APBA2: variants seen among roughly 807,000 people sequenced by gnomAD.
APBA2 encodes amyloid-beta A4 precursor protein-binding family A member 2.
Under a neutral mutation model 75.0 loss-of-function variants are expected in APBA2, and 30 were observed. The observed-to-expected ratio is 0.40, with a 90% CI of 0.30 to 0.54. APBA2 has a LOEUF of 0.54. Among genes scored for constraint, APBA2 ranks in the 20% least tolerant of loss-of-function variants. The probability of loss-of-function intolerance (pLI) is 0.49; values close to 1 mark genes in which losing one functional copy is unlikely to be tolerated. For missense variants in APBA2, 801 were observed against 1,016.1 expected, an observed-to-expected ratio of 0.79 and a Z score of 2.88; for synonymous variants, 444 against 409.6, an observed-to-expected ratio of 1.08 and a Z score of -1.01.
At chr15:29,004,648 T>A (rs933168462) in intron 3 of APBA2, among the ~76,000 whole-genome samples, 6 of 152,126 alleles carry the variant, frequency 3.9e-5, no homozygotes, top group African/African-American at 1.4e-4. Flanking sequence ...CGAACTCCAG[T>A]GTGCGCCGGA....
chr15:29,096,940 C>T (rs1435938993), intron 8 of APBA2, among the ~76,000 whole-genome samples: 1 of 152,220 alleles, frequency 6.6e-6, no homozygotes, highest in Admixed American at 6.5e-5. Flanking sequence ...TAGTTTGGGG[C>T]AGACTCTGAA....
chr15:28,988,778 C>A (rs534902087), intron 2 of APBA2, among the ~76,000 whole-genome samples: 1 of 152,150 alleles, frequency 6.6e-6, no homozygotes, highest in Non-Finnish European at 1.5e-5. Context: ...TCTCTGTGAA[C>A]GTGAGCTGGA....
chr15:28,993,962 AT>A (rs2152788914), intron 2 of APBA2, among the ~76,000 whole-genome samples: 1 of 152,304 alleles, frequency 6.6e-6, no homozygotes, highest in African/African-American at 2.4e-5. Flanking sequence ...TTTCTCACTG[AT>A]CCACTTGGGG....
chr15:28,901,769 G>A (rs1008543091), intron 1 of APBA2, among the ~76,000 whole-genome samples: 10 of 152,196 alleles, frequency 6.6e-5, no homozygotes, highest in African/African-American at 2.4e-4. Flanking sequence ...GTGGACTGCT[G>A]CCTGGCCACC....
At chr15:28,916,368 A>G (rs1490317410) in intron 1 of APBA2, among the ~76,000 whole-genome samples, 4 of 152,230 alleles carry the variant, frequency 2.6e-5, no homozygotes, top group Non-Finnish European at 5.9e-5. Context: ...CTCCCCAGCT[A>G]GAAGAGGAGA....
intron 6 of APBA2, among the ~76,000 whole-genome samples, chr15:29,081,145 G>GT (rs2043067741): frequency 6.6e-6 from 1 of 152,212 alleles, no homozygotes; most frequent in South Asian, 2.1e-4. Context: ...GTTTCATACA[G>GT]TGGGCACATG....
At chr15:29,066,617 T>C (rs1202158596) in intron 4 of APBA2, among the ~76,000 whole-genome samples, 1 of 152,054 alleles carries the variant, frequency 6.6e-6, no homozygotes, top group Admixed American at 6.6e-5. Flanking sequence ...GGAAGCATTC[T>C]GGAGGTCATC....
At chr15:29,044,783 AG>A (rs1482370791) in intron 3 of APBA2, among the ~76,000 whole-genome samples, 2 of 152,222 alleles carry the variant, frequency 1.3e-5, no homozygotes, top group African/African-American at 2.4e-5. Context: ...TGGGTTCAGC[AG>A]GGGAATAGTT....
intron 2 of APBA2, among the ~76,000 whole-genome samples, chr15:28,954,511 A>G (rs1452039047): frequency 6.6e-6 from 1 of 152,096 alleles, no homozygotes; most frequent in Non-Finnish European, 1.5e-5. Context: ...GTACTGGCCC[A>G]CATCCCTGAG....
At chr15:28,951,741 C>T (rs899620705) in intron 2 of APBA2, among the ~76,000 whole-genome samples, 2 of 152,120 alleles carry the variant, frequency 1.3e-5, no homozygotes, top group Non-Finnish European at 2.9e-5. Context: ...TGTGCCACCA[C>T]ACCCAGCTAA....
At chr15:29,091,748 G>A (rs183064903) in intron 6 of APBA2, among the ~76,000 whole-genome samples, 1 of 152,194 alleles carries the variant, frequency 6.6e-6, no homozygotes, top group Admixed American at 6.5e-5. Flanking sequence ...AGCTGGGCCA[G>A]TTGATGATTT....
At chr15:29,013,038 T>G (rs1470459164) in intron 3 of APBA2, among the ~76,000 whole-genome samples, 2 of 152,166 alleles carry the variant, frequency 1.3e-5, no homozygotes, top group Non-Finnish European at 2.9e-5. Flanking sequence ...ACAGAGATCA[T>G]TTAAAAAAAT....
intron 11 of APBA2, among the ~76,000 whole-genome samples, chr15:29,105,972 T>A (rs530218685): frequency 3.1e-4 from 47 of 152,314 alleles, no homozygotes; most frequent in African/African-American, 9.9e-4. Flanking sequence ...AAAGTTCTTA[T>A]GGGCAGAGGA....
intron 2 of APBA2, among the ~76,000 whole-genome samples, chr15:28,989,013 G>A (rs1252058946): frequency 4.6e-5 from 7 of 152,084 alleles, no homozygotes; most frequent in Non-Finnish European, 1.0e-4. Flanking sequence ...TCTACATGAG[G>A]TATTAATTTG....
At chr15:28,948,759 A>G (rs2035686773) in intron 2 of APBA2, among the ~76,000 whole-genome samples, 1 of 152,136 alleles carries the variant, frequency 6.6e-6, no homozygotes, top group Non-Finnish European at 1.5e-5. Flanking sequence ...TTGCGGCGGC[A>G]TCTTTGCTAG....
intron 6 of APBA2, among the ~76,000 whole-genome samples, chr15:29,080,587 G>A (rs76542345): frequency 2.0e-5 from 3 of 152,114 alleles, no homozygotes; most frequent in South Asian, 2.1e-4. Flanking sequence ...ATGAAAGTGC[G>A]GATTGCACAG....
intron 1 of APBA2, among the ~76,000 whole-genome samples, chr15:28,910,825 T>C (rs1399593727): frequency 6.6e-6 from 1 of 152,198 alleles, no homozygotes; most frequent in Admixed American, 6.5e-5. Context: ...GTTCTAATAG[T>C]GTGTCTGCTT....
At chr15:28,985,235 C>G (rs2037857214) in intron 2 of APBA2, among the ~76,000 whole-genome samples, 1 of 152,230 alleles carries the variant, frequency 6.6e-6, no homozygotes, top group Non-Finnish European at 1.5e-5. Context: ...TGTGGCTGCA[C>G]TGCAGGGGCA....
chr15:28,902,450 T>G (rs2032919426), intron 1 of APBA2, among the ~76,000 whole-genome samples: 1 of 152,174 alleles, frequency 6.6e-6, no homozygotes, highest in Admixed American at 6.5e-5. Context: ...GAGGGCCCTC[T>G]TCCCCTTTCA....
Sources: gnomAD v4.1 joint callset for allele counts (sites outside exome capture counted in the v4.1 genomes callset) on GRCh38, gnomAD v4.1.1 for gene constraint, MANE v1.5 for transcripts, NCBI Gene and HGNC (gene_info 2026-07-23, HGNC 2026-07-21) for gene names.